Variants in NWD1 observed in about 807,000 individuals in gnomAD.
NWD1 encodes NACHT and WD repeat domain containing 1, also known as NACHT domain- and WD repeat-containing protein 1.
Under a neutral mutation model 135.1 loss-of-function variants are expected in NWD1, and 129 were observed. That is an observed-to-expected ratio of 0.96 (90% CI 0.83 to 1.11). The LOEUF (loss-of-function observed/expected upper bound fraction) is 1.11, where lower values mean the gene tolerates loss of function less well. NWD1 is among the 50% of genes least tolerant of loss of function. NWD1 has a pLI of 0.00. For missense variants in NWD1, 1,740 were observed against 1,851.3 expected, an observed-to-expected ratio of 0.94 and a Z score of 1.10; for synonymous variants, 773 against 786.0, an observed-to-expected ratio of 0.98 and a Z score of 0.28.
chr19:16,761,065 T>A (rs780404767), intron 7 of NWD1, among the ~76,000 whole-genome samples: 5 of 152,308 alleles, frequency 3.3e-5, no homozygotes, highest in Middle Eastern at 6.8e-3. Context: ...GCTTCCTGTC[T>A]CTGTGGATTT....
At position 16,806,430 on chromosome 19, in the gene NWD1, C is replaced by T. The variant is rs1970747374; in HGVS notation, c.3737-1156C>T. Among the ~76,000 whole-genome samples the T allele has an allele frequency of 2.0e-5, 3 of 152,158 alleles. No individual in the cohort carries two copies. In the South Asian group the frequency reaches 6.2e-4, roughly 32 times the overall value. Reference sequence around the variant, plus strand: ...ATACAAAAGTCTGGCCCCCTTGCTTCAAGATGGGACAATTCATGGTGGCTC... The same window carrying T: ...ATACAAAAGTCTGGCCCCCTTGCTTTAAGATGGGACAATTCATGGTGGCTC... On this transcript the variant is annotated intron_variant, in intron 17 of 18. Transcript: ENST00000524140.
At chr19:16,763,572 T>G (rs1446688809) in intron 8 of NWD1, among the ~76,000 whole-genome samples, 1 of 152,124 alleles carries the variant, frequency 6.6e-6, no homozygotes, top group Non-Finnish European at 1.5e-5. Context: ...GAGGCTCAGT[T>G]CCGATGCCTC....
chr19:16,811,945 G>A (rs1970938005), intron 18 of NWD1, among the ~76,000 whole-genome samples: 1 of 152,210 alleles, frequency 6.6e-6, no homozygotes, highest in Admixed American at 6.6e-5. Flanking sequence ...AAACCCAGGA[G>A]ACGGAGGTTG....
chr19:16,780,279 C>A (rs1320537003), intron 12 of NWD1, among the ~76,000 whole-genome samples: 1 of 151,956 alleles, frequency 6.6e-6, no homozygotes, highest in African/African-American at 2.4e-5. Flanking sequence ...CCTCAGCCTC[C>A]CGAGTAGCTG....
chr19:16,753,926 A>T (rs1205491758), intron 6 of NWD1, among the ~76,000 whole-genome samples: 1 of 145,850 alleles, frequency 6.9e-6, no homozygotes, highest in East Asian at 2.1e-4. Flanking sequence ...TCTATCCATC[A>T]TCTCAATCCT....
intron 6 of NWD1, among the ~76,000 whole-genome samples, chr19:16,754,486 A>G (rs933308762): frequency 7.4e-4 from 106 of 143,242 alleles, no homozygotes; most frequent in Admixed American, 1.7e-3. Flanking sequence ...CCATCCATCC[A>G]TCCATCCATC....
rs756667011 is a variant in NWD1 at position 16,794,453 on chromosome 19, T to G, written c.3214-10T>G. 26 of 1,581,248 alleles carry G rather than the reference T, an allele frequency of 1.6e-5. No homozygotes were observed. The highest frequency in any genetic ancestry group is 1.9e-5 in the Non-Finnish European group (22 of 1,151,366). On this transcript the variant is annotated splice_polypyrimidine_tract_variant and intron_variant, in intron 14 of 18. Transcript: ENST00000524140. Reference sequence around the variant, plus strand: ...GGAAGTGCCTGACAGGCATCCCTGGTTCTGCACAGGTTTCCTCCAAAGGGG... The same window carrying G: ...GGAAGTGCCTGACAGGCATCCCTGGGTCTGCACAGGTTTCCTCCAAAGGGG...
chr19:16,781,269 G>T (rs1363750401), intron 12 of NWD1, among the ~76,000 whole-genome samples: 1 of 152,098 alleles, frequency 6.6e-6, no homozygotes, highest in Non-Finnish European at 1.5e-5. Context: ...TCCCACAGTA[G>T]AGTTCATAAC....
Position 16,807,740 on chromosome 19 carries a change from G to A in NWD1, c.3891G>A (p.Glu1297=). The change falls in exon 18 of 19, where the codon GAG becomes GAA. Residue 1297 remains glutamate, a synonymous_variant. Transcript: ENST00000524140. The part of the protein sequence containing the change: ...RQDVICIPPP[E]ARKAINCMSL... ...ACGTGATATGCATTCCCCCTCCCGA[G>A]GCCCGGAAAGCAATCAACTGCATGT... is the stretch of plus-strand genomic sequence containing the variant. The A allele has an allele frequency of 6.2e-7, 1 of 1,613,242 alleles. No homozygotes were observed. Among genetic ancestry groups the A allele is most frequent in the Non-Finnish European group, 8.5e-7 (1 of 1,179,354 alleles).
intron 11 of NWD1, among the ~76,000 whole-genome samples, chr19:16,775,008 T>G (rs1222609164): frequency 6.6e-6 from 1 of 152,048 alleles, no homozygotes; most frequent in Non-Finnish European, 1.5e-5. Context: ...TTACCTCCAT[T>G]CACCCATCTA....
At chr19:16,815,006 G>A (rs957988677) in intron 18 of NWD1, 22 bp from the exon 19 acceptor site, 3 of 1,607,656 alleles carry the variant, frequency 1.9e-6, no homozygotes, top group Non-Finnish European at 1.7e-6. Flanking sequence ...TCTCATTTGT[G>A]TCCTTCTCTT....
intron 2 of NWD1, among the ~76,000 whole-genome samples, chr19:16,725,075 G>A (rs1967275564): frequency 6.7e-6 from 1 of 150,216 alleles, no homozygotes; most frequent in Admixed American, 6.7e-5. Flanking sequence ...GCAGTGGTAT[G>A]ATCTTGGCTC....
chr19:16,744,887 A>AGAAC, intron 5 of NWD1, 169 bp downstream of exon 5: 2 of 667,748 alleles, frequency 3.0e-6, no homozygotes, highest in Non-Finnish European at 5.4e-6. Context: ...GATCCAAGAT[A>AGAAC]GTTCAGCCAT....
At chr19:16,744,959 C>T in intron 5 of NWD1, 1 of 649,182 alleles carries the variant, frequency 1.5e-6, no homozygotes, top group South Asian at 1.7e-5. Context: ...TTCTTGTCTC[C>T]CAGGGAGGTT....
At position 16,750,017 on chromosome 19, in the gene NWD1, C is replaced by A. The variant is rs762418805; in HGVS notation, c.1375C>A (p.Pro459Thr). ...RRVPWLPLNC[P>T]PRVHLILSAC... ...GGTTCCCTGGCTGCCTCTCAACTGC[C>A]CCCCGAGGGTGCACCTCATCCTCTC... Residue 459 changes from proline to threonine, a missense_variant, in exon 6 of 19, where the codon CCC becomes ACC. Transcript: ENST00000524140. 1.2e-6 allele frequency: 2 copies of A among 1,613,736 alleles called. No individual in the cohort carries two copies. The highest frequency in any genetic ancestry group is 2.2e-5 in the East Asian group (1 of 44,894).
chr19:16,740,628 G>T (rs1968039124), intron 4 of NWD1, among the ~76,000 whole-genome samples: 1 of 150,014 alleles, frequency 6.7e-6, no homozygotes, highest in Non-Finnish European at 1.5e-5. Context: ...GTGAGCCACT[G>T]CGCCCAGACT....
rs941222236 is a variant in NWD1 at position 16,746,693 on chromosome 19, C to CAA, written c.496+1983_496+1984dup. Among the ~76,000 whole-genome samples, 174 of 73,054 alleles carry CAA rather than the reference C, an allele frequency of 2.4e-3. 1 individual carries two copies. In the Middle Eastern group the frequency reaches 0.031, roughly 13 times the overall value. 47.9% of individuals were successfully genotyped at this position (73,054 alleles called of 152,430 possible). A position where few individuals can be genotyped will look rare whatever the true frequency, so the allele number is the denominator to read the frequency against. ...TCTAAAAACAAAAAACAAAAAACAA[C>CAA]AAAAAAAAACAGTCGATGAACACAT... On this transcript the variant is annotated intron_variant, in intron 5 of 18. Coordinates refer to ENST00000524140, the MANE Select transcript of NWD1 (RefSeq NM_001007525.5).
intron 10 of NWD1, among the ~76,000 whole-genome samples, chr19:16,768,070 C>T (rs551630922): frequency 6.8e-6 from 1 of 147,200 alleles, no homozygotes; most frequent in Admixed American, 7.0e-5. Flanking sequence ...CAGCTCACCG[C>T]AACCTCCACC....
intron 1 of NWD1, among the ~76,000 whole-genome samples, chr19:16,722,658 AGCTCTTGACCT>A (rs1967182802): frequency 6.6e-6 from 1 of 151,936 alleles, no homozygotes; most frequent in Non-Finnish European, 1.5e-5. Flanking sequence ...TTAAAGCTGT[AGCTCTTGACCT>A]GCTCCTGGGA....
Sources: allele counts gnomAD v4.1 joint callset (sites outside exome capture counted in the v4.1 genomes callset), GRCh38; gene constraint gnomAD v4.1.1; transcripts MANE v1.5; gene names NCBI Gene and HGNC (gene_info 2026-07-23, HGNC 2026-07-21).